SLC12A5: variants seen among roughly 807,000 people sequenced by gnomAD.
The protein encoded by SLC12A5 is K-Cl cotransporter 2.
Under a neutral mutation model 124.0 loss-of-function variants are expected in SLC12A5, and 18 were observed. The observed-to-expected ratio is 0.15, with a 90% CI of 0.10 to 0.22. The LOEUF (loss-of-function observed/expected upper bound fraction) is 0.22, where lower values mean the gene tolerates loss of function less well. Among genes scored for constraint, SLC12A5 ranks in the 10% least tolerant of loss-of-function variants. The pLI is 1.00. For missense variants in SLC12A5, 867 were observed against 1,478.7 expected (o/e 0.59, Z 6.78); for synonymous variants, 589 against 568.0 (o/e 1.04, Z -0.53).
intron 1 of SLC12A5, chr20:46,022,728 G>A (rs150611127): frequency 1.3e-5 from 5 of 398,132 alleles, no homozygotes; most frequent in Admixed American, 4.4e-5. Flanking sequence ...CGTCTTCCTC[G>A]CGGGCCCTGT....
At chr20:46,030,478 C>A (rs935007485) in intron 1 of SLC12A5, among the ~76,000 whole-genome samples, 3 of 149,628 alleles carry the variant, frequency 2.0e-5, no homozygotes, top group Non-Finnish European at 4.5e-5. Context: ...CCCCGCCGCC[C>A]CCGAGCGGTC....
chr20:46,023,118 A>G (rs1026906004), intron 2 of SLC12A5: 62 of 398,618 alleles, frequency 1.6e-4, no homozygotes, highest in African/African-American at 1.2e-3. Context: ...CCCTAGAGTA[A>G]CCCTTAGGGG....
intron 8 of SLC12A5, among the ~76,000 whole-genome samples, chr20:46,042,340 G>T (rs1399871494): frequency 3.3e-5 from 5 of 152,174 alleles, no homozygotes; most frequent in Non-Finnish European, 5.9e-5. Flanking sequence ...ATGGGTTAAA[G>T]GGGTGAGAGG....
intron 14 of SLC12A5, 81 bp from the exon 15 acceptor site, chr20:46,047,373 A>C: frequency 6.4e-7 from 1 of 1,566,946 alleles, no homozygotes; most frequent in Admixed American, 1.8e-5. Flanking sequence ...GCCCTGCCCC[A>C]TCTCCCTCTT....
upstream of SLC12A5, among the ~76,000 whole-genome samples, chr20:46,025,594 G>A (rs533748027): frequency 1.3e-5 from 2 of 152,292 alleles, no homozygotes; most frequent in Non-Finnish European, 2.9e-5. Context: ...TTGGGAAAGA[G>A]GGAAGATGGA....
exon 3 of SLC12A5, chr20:46,023,581 A>G (rs2084373658): frequency 2.5e-6 from 1 of 397,672 alleles, no homozygotes; most frequent in Admixed American, 4.4e-5. Flanking sequence ...CAAAGCCTTA[A>G]GTCTGTCATT....
Position 46,053,504 on chromosome 20 carries a change from C to T in SLC12A5, c.2548-74C>T, listed in dbSNP as rs545136292. 271 of 1,578,758 alleles carry T rather than the reference C, an allele frequency of 1.7e-4. No homozygotes were observed. The East Asian group carries it at 5.5e-3, about 32-fold the overall frequency. ...TGGGTGGGAAGAGGGGAAGGGTGAG[C>T]GGACAGGGCCTGGCCCTGGATCTCC... On this transcript the variant is annotated intron_variant, in intron 19 of 25. Coordinates refer to ENST00000243964, the MANE Select transcript of SLC12A5 (RefSeq NM_020708.5). The surrounding 1 kb of genome is among the most constrained non-coding windows in gnomAD (Gnocchi z 4.7).
rs768293847 is a variant in SLC12A5 at position 46,051,860 on chromosome 20, G to A, written c.2367G>A (p.Arg789=). ...WRQKEDHQTW[R]NFIELVRETT... ...AGAAGGAAGATCATCAGACGTGGAG[G>A]AACTTCATTGGTAACGCTATTGGGG... is the stretch of plus-strand genomic sequence containing the variant. Residue 789 remains arginine (R), a synonymous_variant, in exon 18 of 26, where the codon AGG becomes AGA. Coordinates refer to ENST00000243964, the MANE Select transcript of SLC12A5 (RefSeq NM_020708.5). The A allele has an allele frequency of 9.3e-6, 12 of 1,294,194 alleles. No homozygotes were observed. The highest frequency in any genetic ancestry group is 4.2e-4 in the Middle Eastern group (2 of 4,816). 80.2% of individuals were successfully genotyped at this position (1,294,194 alleles called of 1,614,324 possible).
At chr20:46,023,364 T>C (rs1324377490) in intron 2 of SLC12A5, 1 of 398,592 alleles carries the variant, frequency 2.5e-6, no homozygotes, top group Non-Finnish European at 4.4e-6. Flanking sequence ...CTTTTTTCTT[T>C]CCAGCAAATC....
chr20:46,051,202 T>C (rs2084643245), intron 17 of SLC12A5, among the ~76,000 whole-genome samples: 2 of 152,334 alleles, frequency 1.3e-5, no homozygotes, highest in South Asian at 4.1e-4. Context: ...TCCCTCATAG[T>C]ACAGTTTAAA....
intron 13 of SLC12A5, 94 bp from the exon 14 acceptor site, chr20:46,046,244 C>T (rs2145495166): frequency 8.4e-7 from 1 of 1,195,138 alleles, no homozygotes; most frequent in Non-Finnish European, 1.2e-6. Context: ...TCCTGACTTC[C>T]TGTCCCCTTT....
chr20:46,041,570 G>A, intron 8 of SLC12A5, 30 bp downstream of exon 8: 1 of 1,610,604 alleles, frequency 6.2e-7, no homozygotes, highest in Non-Finnish European at 8.5e-7. Context: ...CTGGCATCCA[G>A]GGAACGCTGC....
In SLC12A5 at chr20:46,041,509, C is replaced by T. The variant is rs747195101; in HGVS notation, c.1035C>T (p.Gly345=). Residue 345 remains glycine (G), a synonymous_variant, in exon 8 of 26, where the codon GGC becomes GGT. Transcript: ENST00000243964. ...GAAACAATGTCACAGAGATCCAGGG[C>T]ATCCCTGGTGCTGCCAGTGGCCTCA... ...FTRNNVTEIQ[G]IPGAASGLIK... 1.9e-6 allele frequency: 3 copies of T among 1,613,982 alleles called. No homozygotes were observed. The highest frequency in any genetic ancestry group is 2.2e-5 in the East Asian group (1 of 44,894).
intron 18 of SLC12A5, 105 bp from the exon 19 acceptor site, chr20:46,052,852 G>A: frequency 7.8e-7 from 1 of 1,279,488 alleles, no homozygotes; most frequent in Non-Finnish European, 1.1e-6. Flanking sequence ...GCCAGTTGGA[G>A]TGGGGTGGAG....
chr20:46,042,735 AT>A (rs2084558772), intron 8 of SLC12A5, among the ~76,000 whole-genome samples: 1 of 152,064 alleles, frequency 6.6e-6, no homozygotes, highest in Non-Finnish European at 1.5e-5. Context: ...TGGAGGTGGT[AT>A]TGAAGTTGGG....
rs2084721068 is a variant in SLC12A5, at chr20:46,058,724, C to T, written c.*1119C>T. ...GGGCGCCCCCTCCCCGGAGTTTCCT[C>T]CCTGGGACAAGTGAGGGAGGAGGGG... On this transcript the variant is annotated 3_prime_UTR_variant, in exon 26 of 26. Coordinates refer to ENST00000243964, the MANE Select transcript of SLC12A5 (RefSeq NM_020708.5). This position sits in a 1 kb window ranked among gnomAD's most constrained non-coding sequence, Gnocchi z 5.8. 1 of 398,934 alleles carries T rather than the reference C, an allele frequency of 2.5e-6. No individual in the cohort carries two copies. Among genetic ancestry groups the T allele is most frequent in the African/African-American group, 2.1e-5 (1 of 48,662 alleles). The allele number at this position is 398,934 out of a possible 1,614,324, so 24.7% of individuals were successfully genotyped here.
chr20:46,047,724 A>C, intron 15 of SLC12A5, 151 bp downstream of exon 15: 2 of 1,006,418 alleles, frequency 2.0e-6, no homozygotes, highest in Non-Finnish European at 2.9e-6. Context: ...AGAGGGTGAT[A>C]TGGGATGACA....
intron 17 of SLC12A5, 37 bp downstream of exon 17, chr20:46,049,827 A>G (rs1184287386): frequency 2.0e-6 from 3 of 1,528,614 alleles, no homozygotes; most frequent in African/African-American, 1.4e-5. Flanking sequence ...GGAAAAGGTC[A>G]GGACACTTAG....
Position 46,060,129 on chromosome 20 carries a change from A to C in SLC12A5, c.*2524A>C, listed in dbSNP as rs2084740849. On this transcript the variant is annotated 3_prime_UTR_variant, in exon 26 of 26. Coordinates refer to ENST00000243964, the MANE Select transcript of SLC12A5 (RefSeq NM_020708.5). The stretch of plus-strand genomic sequence containing the variant: ...ACTCCCGTCTGCACAAAATGCAATA[A>C]AAATAATTTTATTATACCCTTCATG... 1 of 152,848 alleles carries C rather than the reference A, an allele frequency of 6.5e-6. No individual in the cohort carries two copies. Among genetic ancestry groups the C allele is most frequent in the African/African-American group, 2.4e-5 (1 of 41,470 alleles). 9.5% of individuals were successfully genotyped at this position (152,848 alleles called of 1,614,324 possible). A position where few individuals can be genotyped will look rare whatever the true frequency, so the allele number is the denominator to read the frequency against.
Sources: gnomAD v4.1 joint callset for allele counts (sites outside exome capture counted in the v4.1 genomes callset) on GRCh38, gnomAD v4.1.1 for gene constraint, Gnocchi (gnomAD v3.1) non-coding constraint, MANE v1.5 for transcripts, NCBI Gene and HGNC (gene_info 2026-07-23, HGNC 2026-07-21) for gene names.